R3HCC1: variants seen among roughly 807,000 people sequenced by gnomAD.
The protein encoded by R3HCC1 is R3H domain and coiled-coil containing 1, also known as R3H and coiled-coil domain-containing protein 1.
R3HCC1 carries 32 observed loss-of-function variants against 40.0 expected under a neutral mutation model. That is an observed-to-expected ratio of 0.80 (90% confidence interval 0.60 to 1.07). R3HCC1 has a LOEUF of 1.07. Among genes scored for constraint, R3HCC1 ranks in the 50% least tolerant of loss-of-function variants. The pLI is 0.00. For synonymous variants in R3HCC1, 237 were observed against 232.8 expected, an observed-to-expected ratio of 1.02 and a Z score of -0.17; for missense variants, 586 against 563.3, an observed-to-expected ratio of 1.04 and a Z score of -0.41.
chr8:23,289,017 G>T lies in R3HCC1; in HGVS notation c.112G>T (p.Val38Phe). ...GCACTTCTTCCCCTCCCTCCCCAGG[G>T]TTCTTCTTTTCCCCCCACTCTCCAG... The change falls in exon 3 of 8, where the codon GTT becomes TTT. Residue 38 changes from valine to phenylalanine, a missense_variant and splice_region_variant. Coordinates refer to ENST00000265806, the MANE Select transcript of R3HCC1 (RefSeq NM_001136108.3). 2 of 1,536,532 alleles carry T rather than the reference G, an allele frequency of 1.3e-6. No homozygotes were observed. The highest frequency in any genetic ancestry group is 1.2e-5 in the South Asian group (1 of 84,062).
chr8:23,289,998 G>T lies in R3HCC1; in HGVS notation c.381G>T (p.Trp127Cys). ...CCCGAGGTGCCCGGGCTGGCCGGTG[G>T]TATCGTGGACGCAAGCCTGACCAGC... The change falls in exon 4 of 8, where the codon TGG becomes TGT. Residue 127 changes from tryptophan (W) to cysteine (C), a missense_variant. Coordinates refer to ENST00000265806, the MANE Select transcript of R3HCC1 (RefSeq NM_001136108.3). The T allele has an allele frequency of 1.2e-5, 18 of 1,537,470 alleles. No homozygotes were observed. The highest frequency in any genetic ancestry group is 1.6e-5 in the Non-Finnish European group (18 of 1,146,940).
At chr8:23,288,670 G>T in intron 2 of R3HCC1, 37 bp downstream of exon 2, 1 of 1,531,310 alleles carries the variant, frequency 6.5e-7, no homozygotes, top group South Asian at 1.2e-5. Context: ...CCGCCTTGCT[G>T]GGAAGGGCAG....
At chr8:23,295,550 C>A in intron 7 of R3HCC1, 1 of 464,804 alleles carries the variant, frequency 2.2e-6, no homozygotes, top group Non-Finnish European at 4.3e-6. Context: ...CCGAGGCCAG[C>A]TGTGCTCTCG....
chr8:23,293,198 T>A (rs77103862), intron 5 of R3HCC1, 105 bp from the exon 6 acceptor site: 4 of 843,432 alleles, frequency 4.7e-6, no homozygotes, highest in Non-Finnish European at 5.8e-6. Context: ...TGCCTCAGGC[T>A]GGTGGCATCT....
rs1195305947 is a variant in R3HCC1 at position 23,288,127 on chromosome 8, G to A, written c.-49G>A. On this transcript the variant is annotated 5_prime_UTR_variant, in exon 1 of 8. Transcript: ENST00000265806. ...GGGCGCGCTGGCCCCTGGGGACGCCGAGGGCGGCTGCGACGCGCCGAGAGG... is the reference window on the plus strand; with the variant it reads ...GGGCGCGCTGGCCCCTGGGGACGCCAAGGGCGGCTGCGACGCGCCGAGAGG... 1.8e-5 allele frequency: 22 copies of A among 1,256,344 alleles called. No homozygotes were observed. The highest frequency in any genetic ancestry group is 2.7e-5 in the Admixed American group (1 of 37,034). 77.8% of individuals were successfully genotyped at this position (1,256,344 alleles called of 1,614,324 possible). A position where few individuals can be genotyped will look rare whatever the true frequency, so the allele number is the denominator to read the frequency against.
Position 23,293,421 on chromosome 8 carries a change from A to AG in R3HCC1, c.1096+51dup, listed in dbSNP as rs1411170219. On this transcript the variant is annotated intron_variant, in intron 6 of 7. Coordinates refer to ENST00000265806, the MANE Select transcript of R3HCC1 (RefSeq NM_001136108.3). ...AGCCCTTGCTCGGATCCCTGTTGAG[A>AG]GGGAGGACCCTTGGTTCCCTGGGTA... The AG allele has an allele frequency of 2.8e-6, 4 of 1,451,398 alleles. No individual in the cohort carries two copies. In the African/African-American group the frequency reaches 5.6e-5, roughly 20 times the overall value. 89.9% of individuals were successfully genotyped at this position (1,451,398 alleles called of 1,614,324 possible). A position where few individuals can be genotyped will look rare whatever the true frequency, so the allele number is the denominator to read the frequency against.
Position 23,291,471 on chromosome 8 carries a change from G to A in R3HCC1, c.963G>A (p.Glu321=), listed in dbSNP as rs1313168294. The change falls in exon 5 of 8, where the codon GAG becomes GAA. Residue 321 remains glutamate, a synonymous_variant. Coordinates refer to ENST00000265806, the MANE Select transcript of R3HCC1 (RefSeq NM_001136108.3). ...AGAAGGACCTTGCCCACGTGGTAGA[G>A]ATCTATGACTTTGAACCAGCGCTCA... The A allele has an allele frequency of 6.4e-7, 1 of 1,551,640 alleles. No individual in the cohort carries two copies. The highest frequency in any genetic ancestry group is 1.4e-5 in the African/African-American group (1 of 73,168).
At chr8:23,289,776 A>G in intron 3 of R3HCC1, 90 bp from the exon 4 acceptor site, 1 of 1,430,678 alleles carries the variant, frequency 7.0e-7, no homozygotes, top group South Asian at 1.5e-5. Flanking sequence ...GCTGACCCGA[A>G]TGTCTCTCCT....
At position 23,291,536 on chromosome 8, in the gene R3HCC1, G is replaced by A. The variant is rs1802867563; in HGVS notation, c.1025+3G>A. ...CTGGCAACGTTTTCTGAGTTCCAGTGAGTGGTGGCTGGGGAGGTGCTGCCT... is the reference window on the plus strand; with the variant it reads ...CTGGCAACGTTTTCTGAGTTCCAGTAAGTGGTGGCTGGGGAGGTGCTGCCT... On this transcript the variant is annotated splice_donor_region_variant and intron_variant, in intron 5 of 7. Transcript: ENST00000265806. 6.5e-7 allele frequency: 1 copy of A among 1,550,232 alleles called. No homozygotes were observed. Among genetic ancestry groups the A allele is most frequent in the Admixed American group, 2.0e-5 (1 of 50,990 alleles).
chr8:23,288,566 G>A lies in R3HCC1; in HGVS notation c.43G>A (p.Glu15Lys). 6.5e-7 allele frequency: 1 copy of A among 1,535,984 alleles called. No individual in the cohort carries two copies. Among genetic ancestry groups the A allele is most frequent in the Non-Finnish European group, 8.7e-7 (1 of 1,146,888 alleles). The change falls in exon 2 of 8, where the codon GAG becomes AAG. Residue 15 changes from glutamate (E) to lysine (K), a missense_variant. By Grantham distance (56) the Glu-to-Lys change is moderately conservative. Coordinates refer to ENST00000265806, the MANE Select transcript of R3HCC1 (RefSeq NM_001136108.3). Reference sequence around the variant, plus strand: ...GGATGGTGTCTTCCTCTCCTCAGCCGAGAATGACTTCGTCCACCGGATCCA... The same window carrying A: ...GGATGGTGTCTTCCTCTCCTCAGCCAAGAATGACTTCGTCCACCGGATCCA...
intron 5 of R3HCC1, 93 bp from the exon 6 acceptor site, chr8:23,293,210 C>A: frequency 1.0e-6 from 1 of 1,003,860 alleles, no homozygotes; most frequent in Non-Finnish European, 1.5e-6. Context: ...GTGGCATCTG[C>A]GGGCTGGAGG....
In R3HCC1 at chr8:23,294,811, G is replaced by C. The variant is rs750604319; in HGVS notation, c.1139G>C (p.Arg380Pro). ...CGGGAGTTCTCGGTGCTCAAGATCC[G>C]GCCCCTCACACAGGGAACCAAGCAG... The change falls in exon 7 of 8, where the codon CGG becomes CCG. Residue 380 changes from arginine to proline, a missense_variant. Transcript: ENST00000265806. 1 of 1,551,290 alleles carries C rather than the reference G, an allele frequency of 6.4e-7. No homozygotes were observed. The highest frequency in any genetic ancestry group is 8.7e-7 in the Non-Finnish European group (1 of 1,146,946).
intron 5 of R3HCC1, 81 bp downstream of exon 5, chr8:23,291,614 C>T (rs1344435902): frequency 6.6e-7 from 1 of 1,519,062 alleles, no homozygotes; most frequent in African/African-American, 1.4e-5. Flanking sequence ...GCCTGCCCCA[C>T]ACCCAGTGCC....
intron 2 of R3HCC1, 131 bp from the exon 3 acceptor site, chr8:23,288,885 C>T (rs1802797272): frequency 9.1e-7 from 1 of 1,098,062 alleles, no homozygotes; most frequent in Non-Finnish European, 1.3e-6. Context: ...ATGCTCAGAT[C>T]CTTTGCAGTC....
At chr8:23,293,229 T>C in intron 5 of R3HCC1, 74 bp from the exon 6 acceptor site, 2 of 1,248,356 alleles carry the variant, frequency 1.6e-6, no homozygotes, top group Non-Finnish European at 2.3e-6. Context: ...GGCGAGGGGG[T>C]GTGGCTGCGG....
At position 23,296,267 on chromosome 8, in the gene R3HCC1, T is replaced by TAGAACAACGTGA; in HGVS notation, c.*170_*171insAGAACAACGTGA. 1 of 763,508 alleles carries TAGAACAACGTGA rather than the reference T, an allele frequency of 1.3e-6. No homozygotes were observed. The highest frequency in any genetic ancestry group is 1.9e-6 in the Non-Finnish European group (1 of 512,974). 47.3% of individuals were successfully genotyped at this position (763,508 alleles called of 1,614,324 possible). ...ATGGAGAAAAAATAAAAACTCACGT[T>TAGAACAACGTGA]GTTCTAATGTGATCACTTTGAAATG... is the stretch of plus-strand genomic sequence containing the variant. On this transcript the variant is annotated 3_prime_UTR_variant, in exon 8 of 8. Coordinates refer to ENST00000265806, the MANE Select transcript of R3HCC1 (RefSeq NM_001136108.3).
At chr8:23,294,571 C>T (rs1167701169) in intron 6 of R3HCC1, among the ~76,000 whole-genome samples, 198 bp from the exon 7 acceptor site, 2 of 152,316 alleles carry the variant, frequency 1.3e-5, no homozygotes, top group South Asian at 4.1e-4. Flanking sequence ...CGCAGGTGTC[C>T]CTGTGCGGGC....
chr8:23,292,865 C>T (rs937343081), intron 5 of R3HCC1, among the ~76,000 whole-genome samples: 1 of 152,210 alleles, frequency 6.6e-6, no homozygotes, highest in African/African-American at 2.4e-5. Flanking sequence ...TGGCACCTTC[C>T]TGAGCAATAG....
chr8:23,290,507 G>C, intron 4 of R3HCC1, 38 bp downstream of exon 4: 1 of 1,520,162 alleles, frequency 6.6e-7, no homozygotes, highest in South Asian at 1.3e-5. Context: ...GAGGGCGGAG[G>C]TGAGGTGGGT....
Sources: gnomAD v4.1 joint callset for allele counts (sites outside exome capture counted in the v4.1 genomes callset) on GRCh38, gnomAD v4.1.1 for gene constraint, MANE v1.5 for transcripts, NCBI Gene and HGNC (gene_info 2026-07-23, HGNC 2026-07-21) for gene names.